PCDHGB6: variants seen among roughly 807,000 people sequenced by gnomAD.
PCDHGB6 encodes the protein protocadherin gamma-B6.
Under a neutral mutation model 59.1 loss-of-function variants are expected in PCDHGB6, and 51 were observed. The observed-to-expected ratio is 0.86, with a 90% CI of 0.69 to 1.09. The LOEUF is 1.09. Among genes scored for constraint, PCDHGB6 ranks in the 50% least tolerant of loss-of-function variants. The pLI is 0.00. For synonymous variants in PCDHGB6, 466 were observed against 495.1 expected, an observed-to-expected ratio of 0.94 and a Z score of 0.78; for missense variants, 1,148 against 1,205.1, an observed-to-expected ratio of 0.95 and a Z score of 0.70.
intron 3 of PCDHGB6, among the ~76,000 whole-genome samples, chr5:141,506,444 C>CA (rs1219684339): frequency 0.017 from 1,570 of 94,842 alleles, 20 homozygotes; most frequent in African/African-American, 0.048. Flanking sequence ...CGCTCTGTCT[C>CA]AAAAAAAAAA....
chr5:141,413,645 C>T, intron 1 of PCDHGB6: 9 of 1,613,834 alleles, frequency 5.6e-6, no homozygotes, highest in Non-Finnish European at 7.6e-6. Context: ...ATGCGTTTTC[C>T]TCTCCCGGAA....
chr5:141,408,527 G>A lies in PCDHGB6; in HGVS notation c.325G>A (p.Val109Met). Residue 109 changes from valine to methionine, a missense_variant, in exon 1 of 4, where the codon GTG (valine) becomes ATG (methionine). Physicochemically the swap from Val to Met is conservative, Grantham distance 21. This residue lies in a region of PCDHGB6 where 307 missense variants were observed against 323.8 expected (regional missense o/e 0.95). Transcript: ENST00000520790. ...RRRCELQLEA[V>M]VENPLNIFHV... Reference sequence around the variant, plus strand: ...AAGATGTGAGTTGCAATTGGAAGCTGTGGTGGAAAATCCTTTAAATATTTT... The same window carrying A: ...AAGATGTGAGTTGCAATTGGAAGCTATGGTGGAAAATCCTTTAAATATTTT... The A allele has an allele frequency of 6.2e-7, 1 of 1,614,072 alleles. No individual in the cohort carries two copies. Among genetic ancestry groups the A allele is most frequent in the South Asian group, 1.1e-5 (1 of 91,088 alleles).
intron 1 of PCDHGB6, chr5:141,426,585 T>C (rs2096944493): frequency 2.8e-6 from 1 of 358,848 alleles, no homozygotes; most frequent in African/African-American, 2.1e-5. Flanking sequence ...CAAAATCCTC[T>C]GTGTCATACC....
chr5:141,461,255 G>A (rs1466460215), intron 1 of PCDHGB6, among the ~76,000 whole-genome samples: 1 of 152,098 alleles, frequency 6.6e-6, no homozygotes. Flanking sequence ...ATTCCCAGCA[G>A]CAATGTGTAA....
rs1363008017 is a variant in PCDHGB6, at chr5:141,413,215, T to A, written c.2418+2595T>A. ...GAATCGCTCAAAGGAATCAAAGGATTGCAGCGGGCTGGTCCTGCTCTGCCT... is the reference window on the plus strand; with the variant it reads ...GAATCGCTCAAAGGAATCAAAGGATAGCAGCGGGCTGGTCCTGCTCTGCCT... On this transcript the variant is annotated intron_variant, in intron 1 of 3. Coordinates refer to ENST00000520790, the MANE Select transcript of PCDHGB6 (RefSeq NM_018926.3). 6 of 1,613,232 alleles carry A rather than the reference T, an allele frequency of 3.7e-6. No individual in the cohort carries two copies. The African/African-American group carries it at 8.0e-5, about 22-fold the overall frequency.
At chr5:141,447,957 A>T (rs1460497437) in intron 1 of PCDHGB6, among the ~76,000 whole-genome samples, 3 of 151,910 alleles carry the variant, frequency 2.0e-5, no homozygotes, top group African/African-American at 7.3e-5. Context: ...ATGGTGGCGG[A>T]CACCTATAAT....
At chr5:141,462,596 A>G (rs1260411284) in intron 1 of PCDHGB6, among the ~76,000 whole-genome samples, 5 of 151,922 alleles carry the variant, frequency 3.3e-5, no homozygotes, top group African/African-American at 1.2e-4. Flanking sequence ...TTTCCATTTC[A>G]TATATTGTAT....
In PCDHGB6 at chr5:141,409,576, G is replaced by C. The variant is rs1238671221; in HGVS notation, c.1374G>C (p.Val458=). 52 of 1,613,806 alleles carry C rather than the reference G, an allele frequency of 3.2e-5. No individual in the cohort carries two copies. Among genetic ancestry groups the C allele is most frequent in the Non-Finnish European group, 4.2e-5 (50 of 1,179,904 alleles). ...NAPVFDQTSY[V]VHVAENNPPG... ...CAGTTTTCGACCAGACGTCCTACGT[G>C]GTCCACGTGGCCGAGAACAACCCGC... Residue 458 remains valine, a synonymous_variant, in exon 1 of 4, where the codon GTG becomes GTC. Transcript: ENST00000520790.
At chr5:141,435,995 A>C (rs1033174115) in intron 1 of PCDHGB6, among the ~76,000 whole-genome samples, 2 of 152,144 alleles carry the variant, frequency 1.3e-5, no homozygotes, top group African/African-American at 4.8e-5. Context: ...TGATTTTTTG[A>C]AAGAAAGTAT....
chr5:141,427,435 T>G, intron 1 of PCDHGB6: 1 of 474,160 alleles, frequency 2.1e-6, no homozygotes, highest in Non-Finnish European at 4.2e-6. Context: ...ACATGCCTCA[T>G]AAACGAAAGA....
intron 1 of PCDHGB6, chr5:141,479,660 A>G (rs1206947602): frequency 6.6e-6 from 1 of 152,266 alleles, no homozygotes; most frequent in African/African-American, 2.4e-5. Flanking sequence ...ACAATCCCAG[A>G]AACTACAAAA....
At chr5:141,418,693 T>C (rs989725231) in intron 1 of PCDHGB6, 1 of 1,613,922 alleles carries the variant, frequency 6.2e-7, no homozygotes, top group South Asian at 1.1e-5. Context: ...CAGAGATCAC[T>C]TATTCCTTCT....
At position 141,493,323 on chromosome 5, in the gene PCDHGB6, C is replaced by T. The variant is rs542332335; in HGVS notation, c.2419-1484C>T. Among the ~76,000 whole-genome samples the T allele has an allele frequency of 6.6e-6, 1 of 152,294 alleles. No homozygotes were observed. The highest frequency in any genetic ancestry group is 6.5e-5 in the Admixed American group (1 of 15,300). On this transcript the variant is annotated intron_variant, in intron 1 of 3. Transcript: ENST00000520790. The surrounding 1 kb of genome is among the most constrained non-coding windows in gnomAD (Gnocchi z 4.3). ...AGAGCAAGTAAGAGAGATTCTAACC[C>T]CTGTCTAACTCCAGAATGTGTGCTT...
chr5:141,511,485 C>T lies in PCDHGB6; in HGVS notation c.*312C>T, dbSNP rs1324849800. 1.8e-5 allele frequency: 8 copies of T among 453,300 alleles called. No individual in the cohort carries two copies. The highest frequency in any genetic ancestry group is 1.2e-4 in the African/African-American group (6 of 50,332). The allele number at this position is 453,300 out of a possible 1,614,324, so 28.1% of individuals were successfully genotyped here. A position where few individuals can be genotyped will look rare whatever the true frequency, so the allele number is the denominator to read the frequency against. On this transcript the variant is annotated 3_prime_UTR_variant, in exon 4 of 4. Coordinates refer to ENST00000520790, the MANE Select transcript of PCDHGB6 (RefSeq NM_018926.3). Reference sequence around the variant, plus strand: ...ACCCCGTTTAGTTACAGCTGAACTCCTCCATCTTCCAAATCAATCAGGCCC... The same window carrying T: ...ACCCCGTTTAGTTACAGCTGAACTCTTCCATCTTCCAAATCAATCAGGCCC...
At chr5:141,418,458 TG>T in intron 1 of PCDHGB6, 1 of 1,614,010 alleles carries the variant, frequency 6.2e-7, no homozygotes, top group Non-Finnish European at 8.5e-7. Flanking sequence ...CAGAAGACTC[TG>T]GACCGAGAAA....
rs1248104988 is a variant in PCDHGB6, at chr5:141,409,585, G to A, written c.1383G>A (p.Val461=). 3.1e-6 allele frequency: 5 copies of A among 1,613,912 alleles called. No individual in the cohort carries two copies. The Admixed American group carries it at 5.0e-5, about 16-fold the overall frequency. ...ACCAGACGTCCTACGTGGTCCACGT[G>A]GCCGAGAACAACCCGCCAGGAGCCT... ...VFDQTSYVVH[V]AENNPPGASI... The change falls in exon 1 of 4, where the codon GTG becomes GTA. Residue 461 remains valine, a synonymous_variant. Coordinates refer to ENST00000520790, the MANE Select transcript of PCDHGB6 (RefSeq NM_018926.3).
chr5:141,486,168 A>C lies in PCDHGB6; in HGVS notation c.2419-8639A>C, dbSNP rs774913463. 6.2e-7 allele frequency: 1 copy of C among 1,614,196 alleles called. No homozygotes were observed. Among genetic ancestry groups the C allele is most frequent in the South Asian group, 1.1e-5 (1 of 91,084 alleles). On this transcript the variant is annotated intron_variant, in intron 1 of 3. Transcript: ENST00000520790. The surrounding 1 kb of genome is among the most constrained non-coding windows in gnomAD (Gnocchi z 5.0). ...GATGGGGGTTCTCCAGCCATGGAGC[A>C]ACATTGCAGCCTTCGAGTGGATCTG...
intron 1 of PCDHGB6, chr5:141,441,855 G>T (rs1210416963): frequency 2.8e-6 from 1 of 351,872 alleles, no homozygotes; most frequent in Admixed American, 4.0e-5. Context: ...ATATGGTGCT[G>T]CACGCCGCGG....
intron 1 of PCDHGB6, chr5:141,422,174 A>G (rs763681065): frequency 5.1e-6 from 8 of 1,564,176 alleles, no homozygotes; most frequent in African/African-American, 2.8e-5. Flanking sequence ...TATAGATTCT[A>G]TGAGATGGAA....
Sources: gnomAD v4.1 joint callset for allele counts (sites outside exome capture counted in the v4.1 genomes callset) on GRCh38, gnomAD v4.1.1 for gene constraint, gnomAD v4.1.1 regional missense constraint, Gnocchi (gnomAD v3.1) non-coding constraint, MANE v1.5 for transcripts, NCBI Gene and HGNC (gene_info 2026-07-23, HGNC 2026-07-21) for gene names.